SIPA1L3: variants seen among roughly 807,000 people sequenced by gnomAD.
SIPA1L3 encodes the protein signal induced proliferation associated 1 like 3.
Under a neutral mutation model 150.1 loss-of-function variants are expected in SIPA1L3, and 59 were observed. That is an observed-to-expected ratio of 0.39 (90% CI 0.32 to 0.49). The LOEUF is 0.49. Among genes scored for constraint, SIPA1L3 ranks in the 20% least tolerant of loss-of-function variants. The pLI, the probability that SIPA1L3 is intolerant of heterozygous loss-of-function variation, is 0.86. For synonymous variants in SIPA1L3, 1,070 were observed against 1,077.6 expected (o/e 0.99, Z 0.14); for missense variants, 2,211 against 2,489.5 (o/e 0.89, Z 2.38).
intron 12 of SIPA1L3, among the ~76,000 whole-genome samples, chr19:38,150,947 G>A (rs1248710114): frequency 1.3e-5 from 2 of 152,170 alleles, no homozygotes; most frequent in Admixed American, 6.5e-5. Context: ...AAACATTGTA[G>A]GAATTTGTTA....
intron 1 of SIPA1L3, among the ~76,000 whole-genome samples, chr19:37,992,201 G>C (rs1006567597): frequency 2.6e-4 from 40 of 152,204 alleles, no homozygotes; most frequent in African/African-American, 8.7e-4. Flanking sequence ...AGGCTGCGGG[G>C]TTCACTGAGT....
At chr19:38,156,676 T>C (rs1971956095) in intron 13 of SIPA1L3, among the ~76,000 whole-genome samples, 1 of 151,854 alleles carries the variant, frequency 6.6e-6, no homozygotes, top group Admixed American at 6.6e-5. Flanking sequence ...AATATAAAAA[T>C]TAGCTGGGTG....
chr19:38,000,422 C>G (rs955721775), intron 1 of SIPA1L3, among the ~76,000 whole-genome samples: 1 of 146,708 alleles, frequency 6.8e-6, no homozygotes, highest in Non-Finnish European at 1.5e-5. Flanking sequence ...GAGCCTAGAT[C>G]ACGCTACTGC....
At chr19:37,953,534 G>T (rs1270775874) in intron 1 of SIPA1L3, among the ~76,000 whole-genome samples, 1 of 37,210 alleles carries the variant, frequency 2.7e-5, no homozygotes, top group Non-Finnish European at 4.0e-5. Context: ...CATTCCTCAT[G>T]TGTGTGTGTG....
chr19:38,164,379 C>G lies in SIPA1L3; in HGVS notation c.3781-100C>G. 1 of 1,135,278 alleles carries G rather than the reference C, an allele frequency of 8.8e-7. No individual in the cohort carries two copies. The highest frequency in any genetic ancestry group is 1.3e-6 in the Non-Finnish European group (1 of 786,824). 70.3% of individuals were successfully genotyped at this position (1,135,278 alleles called of 1,614,324 possible). On this transcript the variant is annotated intron_variant, in intron 14 of 21. Transcript: ENST00000222345. This position sits in a 1 kb window ranked among gnomAD's most constrained non-coding sequence, Gnocchi z 4.1. ...ATGAGAAGCCAGGATTTGAAGCTGT[C>G]TGGTCCCAGGGTTCAGGCCCAGGCA...
In SIPA1L3 at chr19:37,916,846, A is replaced by G. The variant is rs547174097; in HGVS notation, c.-379+9488A>G. Among the ~76,000 whole-genome samples, 87 of 152,002 alleles carry G rather than the reference A, an allele frequency of 5.7e-4. 1 individual carries two copies. The highest frequency in any genetic ancestry group is 5.6e-3 in the Admixed American group (85 of 15,224). On this transcript the variant is annotated intron_variant, in intron 1 of 21. Transcript: ENST00000222345. ...CTGGTGGCATGTGCCTGTAATCCCA[A>G]CTACTCGGGAGACGGAGGCAGAGAA...
intron 19 of SIPA1L3, chr19:38,199,860 T>G (rs977771224): frequency 2.0e-5 from 3 of 152,098 alleles, no homozygotes; most frequent in African/African-American, 7.2e-5. Flanking sequence ...TAAATATATA[T>G]ATATATATTT....
intron 1 of SIPA1L3, among the ~76,000 whole-genome samples, chr19:37,970,436 T>C (rs1966903380): frequency 6.6e-6 from 1 of 152,236 alleles, no homozygotes; most frequent in African/African-American, 2.4e-5. Flanking sequence ...TACTTGGTTA[T>C]TGGACTACCT....
intron 1 of SIPA1L3, chr19:37,964,357 A>T (rs2046884228): frequency 6.6e-6 from 1 of 152,172 alleles, no homozygotes; most frequent in South Asian, 2.1e-4. Context: ...ATGACACTGT[A>T]CTCCAGCCTG....
chr19:38,024,568 T>G (rs1480845164), intron 1 of SIPA1L3, among the ~76,000 whole-genome samples: 1 of 152,032 alleles, frequency 6.6e-6, no homozygotes, highest in South Asian at 2.1e-4. Context: ...GGGCCCCAGA[T>G]AAGTCATTTA....
intron 18 of SIPA1L3, among the ~76,000 whole-genome samples, chr19:38,196,382 T>TGGAGGTCAAGGGCAGAGCAA (rs1972936546): frequency 1.4e-5 from 2 of 142,878 alleles, no homozygotes; most frequent in Admixed American, 6.8e-5. Flanking sequence ...GGGCGGAGCA[T>TGGAGGTCAAGGGCAGAGCAA]GGAGGTCAAG....
rs1355835410 is a variant in SIPA1L3, at chr19:38,123,916, C to T, written c.2868+4034C>T. On this transcript the variant is annotated intron_variant, in intron 9 of 21. Transcript: ENST00000222345. ...GGGGCTCCTCACTTCCCAGTAGGGGCGGCCGGGCAGAGGCGCCCCTCACCT... is the reference window on the plus strand; with the variant it reads ...GGGGCTCCTCACTTCCCAGTAGGGGTGGCCGGGCAGAGGCGCCCCTCACCT... 5.6e-5 allele frequency among the ~76,000 whole-genome samples: 8 copies of T among 142,224 alleles called. 1 individual carries two copies. Among genetic ancestry groups the T allele is most frequent in the African/African-American group, 8.1e-5 (3 of 36,908 alleles). 93.3% of individuals were successfully genotyped at this position (142,224 alleles called of 152,430 possible).
intron 9 of SIPA1L3, among the ~76,000 whole-genome samples, chr19:38,122,438 G>A (rs577608054): frequency 9.8e-5 from 15 of 152,308 alleles, no homozygotes; most frequent in African/African-American, 3.6e-4. Flanking sequence ...GCAGGCATCA[G>A]CCACCTCTCC....
intron 6 of SIPA1L3, among the ~76,000 whole-genome samples, chr19:38,104,092 G>T (rs368305162): frequency 6.6e-6 from 1 of 152,076 alleles, no homozygotes; most frequent in Admixed American, 6.6e-5. Context: ...AAGGCCCCAA[G>T]ATGGCTCAGT....
chr19:38,084,621 GTTTTTTTCTTTTTCTTTTT>G (rs1307558515), intron 3 of SIPA1L3, among the ~76,000 whole-genome samples: 2 of 121,904 alleles, frequency 1.6e-5, no homozygotes, highest in Admixed American at 8.1e-5. Flanking sequence ...TTTTTTTGTT[GTTTTTTTCTTTTTCTTTTT>G]TTTTTTTTTT....
At chr19:38,179,640 C>A in intron 15 of SIPA1L3, among the ~76,000 whole-genome samples, 1 of 152,082 alleles carries the variant, frequency 6.6e-6, no homozygotes, top group South Asian at 2.1e-4. Context: ...TCATAAACAT[C>A]CATATGTGTT....
intron 2 of SIPA1L3, among the ~76,000 whole-genome samples, chr19:38,045,842 C>T (rs928747592): frequency 6.7e-4 from 102 of 151,906 alleles, no homozygotes; most frequent in Admixed American, 4.1e-3. Context: ...GAGCAGAGTG[C>T]GGGAAGGAAA....
intron 1 of SIPA1L3, among the ~76,000 whole-genome samples, chr19:37,992,966 C>T (rs992384626): frequency 6.6e-6 from 1 of 152,156 alleles, no homozygotes; most frequent in African/African-American, 2.4e-5. Flanking sequence ...CCCTGGTGCT[C>T]CCAGCTGCGT....
intron 1 of SIPA1L3, among the ~76,000 whole-genome samples, chr19:37,928,132 C>T (rs2046522983): frequency 6.6e-6 from 1 of 152,146 alleles, no homozygotes; most frequent in South Asian, 2.1e-4. Context: ...TTTGAGGAAT[C>T]TTCAAACTGC....
Sources: allele counts gnomAD v4.1 joint callset (sites outside exome capture counted in the v4.1 genomes callset), GRCh38; gene constraint gnomAD v4.1.1; non-coding constraint Gnocchi (gnomAD v3.1); transcripts MANE v1.5; gene names NCBI Gene and HGNC (gene_info 2026-07-23, HGNC 2026-07-21).